The following ZDHHC11 variants were observed in gnomAD, a reference collection of about 807,000 sequenced individuals.
ZDHHC11 encodes the protein zDHHC palmitoyltransferase 11.
Under a neutral mutation model 51.3 loss-of-function variants are expected in ZDHHC11, and 44 were observed. The ratio of observed to expected loss-of-function variants is 0.86; its 90% CI spans 0.67 to 1.10. ZDHHC11 has a LOEUF of 1.10. ZDHHC11 is among the 50% of genes least tolerant of loss of function. The probability of loss-of-function intolerance (pLI) is 0.00; values close to 1 mark genes in which losing one functional copy is unlikely to be tolerated. For synonymous variants in ZDHHC11, 163 were observed against 222.0 expected, an observed-to-expected ratio of 0.73 and a Z score of 2.36; for missense variants, 400 against 537.7, an observed-to-expected ratio of 0.74 and a Z score of 2.53.
At chr5:845,459 C>T (rs752107375) in intron 3 of ZDHHC11, among the ~76,000 whole-genome samples, 96 of 152,362 alleles carry the variant, frequency 6.3e-4, no homozygotes, top group Non-Finnish European at 1.1e-3. Context: ...GGGACATTCT[C>T]CTCTTGGTTA....
upstream of ZDHHC11, among the ~76,000 whole-genome samples, chr5:859,907 C>T (rs528890322): frequency 3.3e-5 from 5 of 152,198 alleles, no homozygotes; most frequent in Non-Finnish European, 7.3e-5. Flanking sequence ...GCTGCTGACG[C>T]TGACTTTGGG....
intron 9 of ZDHHC11, among the ~76,000 whole-genome samples, chr5:820,584 AG>A (rs572497057): frequency 2.0e-5 from 3 of 150,756 alleles, no homozygotes; most frequent in African/African-American, 7.3e-5. Flanking sequence ...CACCTGGGGA[AG>A]GGGGGCTGCA....
At chr5:799,819 T>G (rs1332141258) in intron 12 of ZDHHC11, among the ~76,000 whole-genome samples, 1 of 151,684 alleles carries the variant, frequency 6.6e-6, no homozygotes, top group Non-Finnish European at 1.5e-5. Flanking sequence ...GATTTTAATT[T>G]TGCAACTTCA....
intron 12 of ZDHHC11, among the ~76,000 whole-genome samples, chr5:800,098 T>C (rs1333053283): frequency 6.6e-5 from 10 of 151,570 alleles, no homozygotes; most frequent in African/African-American, 9.7e-5. Context: ...TCTTGTCCTC[T>C]AGGGTGCTGG....
chr5:859,491 G>A (rs534464687), upstream of ZDHHC11, among the ~76,000 whole-genome samples: 4 of 152,216 alleles, frequency 2.6e-5, no homozygotes, highest in African/African-American at 9.6e-5. Context: ...ACCAACAGGC[G>A]ACGTCCAGGA....
At chr5:843,192 T>C (rs1579760536) in intron 4 of ZDHHC11, 3 of 371,558 alleles carry the variant, frequency 8.1e-6, no homozygotes, top group South Asian at 4.3e-5. Context: ...CCCAGCACCC[T>C]CAGCGCTGCC....
intron 3 of ZDHHC11, among the ~76,000 whole-genome samples, chr5:847,140 C>T (rs59153575): frequency 0.11 from 15,780 of 145,108 alleles, 949 homozygotes; most frequent in African/African-American, 0.35. Context: ...CGCCCATCTG[C>T]GCTGGGTGCC....
intron 11 of ZDHHC11, among the ~76,000 whole-genome samples, chr5:807,272 G>C (rs1281887168): frequency 6.7e-6 from 1 of 149,178 alleles, no homozygotes; most frequent in Non-Finnish European, 1.5e-5. Context: ...AAATGAAAAA[G>C]TATCCAATGT....
At position 819,757 on chromosome 5, in the gene ZDHHC11, G is replaced by A. The variant is rs1192097762; in HGVS notation, c.1059-145C>T. On this transcript the variant is annotated intron_variant, in intron 9 of 12. Coordinates refer to ENST00000283441, the MANE Select transcript of ZDHHC11 (RefSeq NM_024786.3). ...ACTGGAGACCAGCAGCTCCCGGGAGGTTGTGTGAGTGCTCCCGGGTTACTG... is the reference window on the plus strand; with the variant it reads ...ACTGGAGACCAGCAGCTCCCGGGAGATTGTGTGAGTGCTCCCGGGTTACTG... The A allele has an allele frequency of 1.2e-5, 9 of 771,034 alleles. 1 individual carries two copies. The highest frequency in any genetic ancestry group is 1.9e-5 in the Non-Finnish European group (9 of 462,024). 47.8% of individuals were successfully genotyped at this position (771,034 alleles called of 1,614,324 possible).
chr5:801,250 C>T, intron 11 of ZDHHC11, 86 bp from the exon 12 acceptor site: 1 of 1,529,398 alleles, frequency 6.5e-7, no homozygotes, highest in Non-Finnish European at 9.0e-7. Context: ...AATGTGTAAA[C>T]AAGAGTACAT....
rs1370196361 is a variant in ZDHHC11, at chr5:836,283, C to T, written c.900+1082G>A. ...ATTGATTGGCATGATTGCGTGGTTA[C>T]CGTTCTCTATTGGACTAACGTGCTG... On this transcript the variant is annotated intron_variant, in intron 6 of 12. Coordinates refer to ENST00000283441, the MANE Select transcript of ZDHHC11 (RefSeq NM_024786.3). Among the ~76,000 whole-genome samples the T allele has an allele frequency of 4.0e-5, 6 of 150,424 alleles. 1 individual carries two copies. The highest frequency in any genetic ancestry group is 1.5e-4 in the African/African-American group (6 of 40,824).
Position 798,307 on chromosome 5 carries a change from CCT to C in ZDHHC11, c.*8-1729_*8-1728del, listed in dbSNP as rs1335841887. On this transcript the variant is annotated intron_variant, in intron 12 of 12. Coordinates refer to ENST00000283441, the MANE Select transcript of ZDHHC11 (RefSeq NM_024786.3). ...TCCCCACTAGATTTCTCTTTGGGTT[CCT>C]CTGTGCCTTCAACCATGGCCTGAGA... Among the ~76,000 whole-genome samples, 27 of 150,884 alleles carry C rather than the reference CCT, an allele frequency of 1.8e-4. 2 individuals carry two copies. The Admixed American group carries it at 1.8e-3, about 10-fold the overall frequency.
intron 4 of ZDHHC11, 72 bp from the exon 5 acceptor site, chr5:840,722 C>A (rs548022788): frequency 1.8e-4 from 286 of 1,601,360 alleles, no homozygotes; most frequent in Non-Finnish European, 2.3e-4. Flanking sequence ...ACGTCACAGA[C>A]CAGAGCGTGC....
intron 11 of ZDHHC11, among the ~76,000 whole-genome samples, chr5:805,694 A>G (rs59954873): frequency 0.08 from 12,000 of 150,682 alleles, 907 homozygotes; most frequent in African/African-American, 0.23. Context: ...TACTTTAAAC[A>G]TTTTATATAT....
Position 819,526 on chromosome 5 carries a change from T to G in ZDHHC11, c.1145A>C (p.Gln382Pro), listed in dbSNP as rs767071628. The G allele has an allele frequency of 4.4e-6, 7 of 1,609,188 alleles. No homozygotes were observed. The highest frequency in any genetic ancestry group is 6.0e-6 in the Non-Finnish European group (7 of 1,176,104). ...RVHPDGGSMA[Q>P]EADDAPSIST... is the part of the protein sequence containing the mutation. The stretch of plus-strand genomic sequence containing the variant: ...ACAGCGCCAGTGATTGCAACTTACC[T>G]GTGCCATCGAGCCCCCGTCTGGGTG... The change falls in exon 10 of 13, where the codon CAG becomes CCG. Residue 382 changes from glutamine to proline, a missense_variant and splice_region_variant. This residue lies in a region of ZDHHC11 where 231 missense variants were observed against 227.4 expected (regional missense o/e 1.02). Coordinates refer to ENST00000283441, the MANE Select transcript of ZDHHC11 (RefSeq NM_024786.3).
chr5:856,092 C>T (rs1339425863), intron 1 of ZDHHC11, among the ~76,000 whole-genome samples: 7 of 152,058 alleles, frequency 4.6e-5, no homozygotes, highest in Admixed American at 1.3e-4. Flanking sequence ...CTCAGGCCCA[C>T]GCTCAGCCTC....
chr5:804,357 T>A (rs1738938119), intron 11 of ZDHHC11, among the ~76,000 whole-genome samples: 1 of 151,316 alleles, frequency 6.6e-6, no homozygotes, highest in African/African-American at 2.4e-5. Flanking sequence ...TTTGGTACTA[T>A]CTACAGTTTC....
intron 4 of ZDHHC11, chr5:841,814 G>C (rs571013914): frequency 3.6e-4 from 356 of 994,730 alleles, no homozygotes; most frequent in Non-Finnish European, 4.1e-4. Flanking sequence ...GGTGGGGCAA[G>C]GCAGAATGGC....
chr5:853,659 G>C (rs1747666523), upstream of ZDHHC11, among the ~76,000 whole-genome samples: 3 of 150,736 alleles, frequency 2.0e-5, no homozygotes, highest in Non-Finnish European at 3.0e-5. Context: ...ACCCCACAGA[G>C]GACAGCGAGC....
Sources: allele counts gnomAD v4.1 joint callset (sites outside exome capture counted in the v4.1 genomes callset), GRCh38; gene constraint gnomAD v4.1.1; regional missense constraint gnomAD v4.1.1; transcripts MANE v1.5; gene names NCBI Gene and HGNC (gene_info 2026-07-23, HGNC 2026-07-21).